MTA3: variants seen among roughly 807,000 people sequenced by gnomAD.
MTA3 encodes metastasis associated 1 family member 3.
MTA3 carries 34 observed loss-of-function variants against 83.5 expected under a neutral mutation model. The observed-to-expected ratio is 0.41, with a 90% CI of 0.31 to 0.54. The LOEUF is 0.54. MTA3 is among the 20% of genes least tolerant of loss of function. The pLI is 0.33. For synonymous variants in MTA3, 303 were observed against 252.7 expected (o/e 1.20, Z -1.89); for missense variants, 761 against 726.4 (o/e 1.05, Z -0.55).
intron 3 of MTA3, among the ~76,000 whole-genome samples, chr2:42,589,966 C>G (rs1263393790): frequency 6.6e-6 from 1 of 152,160 alleles, no homozygotes; most frequent in Admixed American, 6.6e-5. Context: ...GTATATAAGA[C>G]AAGGGCAGTT....
chr2:42,633,295 G>C (rs1472919782), intron 4 of MTA3, among the ~76,000 whole-genome samples: 1 of 151,464 alleles, frequency 6.6e-6, no homozygotes, highest in Admixed American at 6.6e-5. Flanking sequence ...AAAAAGCAGA[G>C]GTCCAGGGTC....
At chr2:42,654,406 T>C (rs1168600211) in intron 6 of MTA3, among the ~76,000 whole-genome samples, 1 of 152,208 alleles carries the variant, frequency 6.6e-6, no homozygotes, top group African/African-American at 2.4e-5. Flanking sequence ...GATGCAGTGA[T>C]CAAAAGCAAA....
At chr2:42,617,831 T>A (rs1370321587) in intron 4 of MTA3, among the ~76,000 whole-genome samples, 1 of 151,894 alleles carries the variant, frequency 6.6e-6, no homozygotes, top group African/African-American at 2.4e-5. Context: ...GGACATCAGA[T>A]AGAGAAAATG....
chr2:42,564,655 A>T (rs1449939978), upstream of MTA3, among the ~76,000 whole-genome samples: 1 of 152,198 alleles, frequency 6.6e-6, no homozygotes, highest in Non-Finnish European at 1.5e-5. Context: ...ACGAACCAAC[A>T]AGATAAAGTC....
At chr2:42,518,261 A>G (rs1047998945) in intron 2 of MTA3, among the ~76,000 whole-genome samples, 2 of 152,226 alleles carry the variant, frequency 1.3e-5, no homozygotes, top group Admixed American at 6.6e-5. Context: ...CAATTCTCCA[A>G]TAAAAGGAAC....
chr2:42,695,634 CAAAAA>C (rs70963347), intron 9 of MTA3, 126 bp from the exon 10 acceptor site: 233 of 130,538 alleles, frequency 1.8e-3, no homozygotes, highest in Admixed American at 3.9e-3. Flanking sequence ...CAGTCTATCT[CAAAAA>C]AAAAAAAAAA....
At chr2:42,573,758 G>T (rs563815259) in intron 2 of MTA3, among the ~76,000 whole-genome samples, 1 of 151,926 alleles carries the variant, frequency 6.6e-6, no homozygotes, top group Non-Finnish European at 1.5e-5. Flanking sequence ...TGATCCACCC[G>T]CCTTGGCCTC....
intron 3 of MTA3, among the ~76,000 whole-genome samples, chr2:42,603,278 G>C (rs369428730): frequency 2.6e-5 from 4 of 152,104 alleles, no homozygotes; most frequent in East Asian, 3.9e-4. Flanking sequence ...GGGAGAAATA[G>C]AAATTGTGTT....
At chr2:42,523,080 G>A (rs1213436749) in intron 2 of MTA3, among the ~76,000 whole-genome samples, 2 of 152,116 alleles carry the variant, frequency 1.3e-5, no homozygotes, top group African/African-American at 4.8e-5. Context: ...CAGAGTGCTA[G>A]AATACAGGCG....
chr2:42,699,472 T>C (rs768555445), intron 11 of MTA3, among the ~76,000 whole-genome samples: 7 of 152,174 alleles, frequency 4.6e-5, no homozygotes, highest in Non-Finnish European at 8.8e-5. Flanking sequence ...ATTAGCACTT[T>C]AAGATCACCT....
At chr2:42,550,564 C>G (rs1310459274) in intron 2 of MTA3, among the ~76,000 whole-genome samples, 1 of 152,118 alleles carries the variant, frequency 6.6e-6, no homozygotes, top group African/African-American at 2.4e-5. Context: ...AAGGAAAGCT[C>G]ACGTCCTGCT....
chr2:42,565,579 G>T (rs996494219), upstream of MTA3, among the ~76,000 whole-genome samples: 1 of 152,138 alleles, frequency 6.6e-6, no homozygotes, highest in African/African-American at 2.4e-5. Flanking sequence ...TCCATGGAAG[G>T]GCTGGATTTG....
intron 4 of MTA3, among the ~76,000 whole-genome samples, chr2:42,619,482 A>G (rs1384099430): frequency 6.6e-6 from 1 of 152,236 alleles, no homozygotes; most frequent in Non-Finnish European, 1.5e-5. Flanking sequence ...ATGAATCTAA[A>G]GAAAGATCTG....
Position 42,756,633 on chromosome 2 carries a change from A to T in MTA3, c.*3234A>T, listed in dbSNP as rs1670256982. 1 of 985,284 alleles carries T rather than the reference A, an allele frequency of 1.0e-6. No individual in the cohort carries two copies. The highest frequency in any genetic ancestry group is 1.2e-6 in the Non-Finnish European group (1 of 829,928). The allele number at this position is 985,284 out of a possible 1,614,324, so 61.0% of individuals were successfully genotyped here. A position where few individuals can be genotyped will look rare whatever the true frequency, so the allele number is the denominator to read the frequency against. On this transcript the variant is annotated 3_prime_UTR_variant, in exon 17 of 17. Transcript: ENST00000405094. Reference sequence around the variant, plus strand: ...AGAGAGGAAACGGCTTTGGGGAGGGAGGGGGAAGCCTTTATTCTTTACTGT... The same window carrying T: ...AGAGAGGAAACGGCTTTGGGGAGGGTGGGGGAAGCCTTTATTCTTTACTGT...
intron 2 of MTA3, among the ~76,000 whole-genome samples, chr2:42,518,845 C>T (rs1311660463): frequency 6.6e-6 from 1 of 151,828 alleles, no homozygotes; most frequent in Non-Finnish European, 1.5e-5. Flanking sequence ...GCGAGCCTGT[C>T]GCCCCAGCTA....
At chr2:42,527,733 A>G (rs1379605526) in intron 2 of MTA3, among the ~76,000 whole-genome samples, 1 of 151,840 alleles carries the variant, frequency 6.6e-6, no homozygotes, top group Non-Finnish European at 1.5e-5. Flanking sequence ...GCATTTGCAT[A>G]TGTTTCAGCT....
In MTA3 at chr2:42,663,100, G is replaced by A. The variant is rs540895951; in HGVS notation, c.702+3238G>A. ...CCCTAATGTTGCATGATCTTATATA[G>A]GTAAACTATTATTTATGTAACCAGT... On this transcript the variant is annotated intron_variant, in intron 8 of 16. Transcript: ENST00000405094. Among the ~76,000 whole-genome samples the A allele has an allele frequency of 9.9e-5, 15 of 152,242 alleles. 1 individual carries two copies. In the South Asian group the frequency reaches 3.1e-3, roughly 32 times the overall value.
intron 11 of MTA3, among the ~76,000 whole-genome samples, chr2:42,700,512 A>C (rs932149216): frequency 6.6e-6 from 1 of 152,236 alleles, no homozygotes; most frequent in Non-Finnish European, 1.5e-5. Flanking sequence ...CAGTTGAGCA[A>C]TGAACTTTGC....
intron 2 of MTA3, among the ~76,000 whole-genome samples, chr2:42,539,336 A>G (rs1458828212): frequency 6.6e-6 from 1 of 152,134 alleles, no homozygotes; most frequent in Non-Finnish European, 1.5e-5. Context: ...GGAAAAAAAC[A>G]AGTCCTTCTT....
Sources: gnomAD v4.1 joint callset for allele counts (sites outside exome capture counted in the v4.1 genomes callset) on GRCh38, gnomAD v4.1.1 for gene constraint, MANE v1.5 for transcripts, NCBI Gene and HGNC (gene_info 2026-07-23, HGNC 2026-07-21) for gene names.